The following XPC variants were observed in gnomAD, a reference collection of about 807,000 sequenced individuals.
The protein encoded by XPC is DNA repair protein complementing XP-C cells.
In XPC, 76 loss-of-function variants were observed where a neutral mutation model predicts 95.8. The ratio of observed to expected loss-of-function variants is 0.79; its 90% CI spans 0.66 to 0.96. XPC has a LOEUF of 0.96. Ranked by LOEUF, XPC falls within the 40% of genes least tolerant of loss-of-function variation. The probability of loss-of-function intolerance (pLI) is 0.00; values close to 1 mark genes in which losing one functional copy is unlikely to be tolerated. For synonymous variants in XPC, 442 were observed against 442.1 expected, an observed-to-expected ratio of 1.00 and a Z score of 0.00; for missense variants, 1,146 against 1,179.8, an observed-to-expected ratio of 0.97 and a Z score of 0.42.
At chr3:14,171,937 G>C (rs750151397) in intron 2 of XPC, among the ~76,000 whole-genome samples, 43 of 152,078 alleles carry the variant, frequency 2.8e-4, no homozygotes, top group Admixed American at 6.5e-4. Flanking sequence ...CCCTTCCTGT[G>C]CCCTCTACTG....
chr3:14,161,837 T>G (rs1199243504), intron 7 of XPC, among the ~76,000 whole-genome samples: 2 of 151,592 alleles, frequency 1.3e-5, no homozygotes, highest in South Asian at 2.1e-4. Context: ...GAAAAAGGCA[T>G]GCAAACTGGA....
intron 7 of XPC, chr3:14,164,556 C>T (rs1696294205): frequency 2.7e-6 from 1 of 370,364 alleles, no homozygotes. Context: ...TGGTACACCA[C>T]AACTAGAGGC....
At chr3:14,163,386 T>C (rs770097299) in intron 7 of XPC, among the ~76,000 whole-genome samples, 11 of 152,064 alleles carry the variant, frequency 7.2e-5, no homozygotes, top group Non-Finnish European at 1.3e-4. Flanking sequence ...ATAGAGAAAA[T>C]GTATAAACAT....
At position 14,159,776 on chromosome 3, in the gene XPC, G is replaced by A. The variant is rs1444969394; in HGVS notation, c.955C>T (p.Leu319=). The change falls in exon 8 of 16, where the codon CTA becomes TTA. Residue 319 remains leucine, a synonymous_variant. Transcript: ENST00000285021. ...LQLLTRLVLS[L]QPIPLKSATA... ...GCTGACTTCAGAGGAATTGGCTGTA[G>A]AGACAATACCAGCCGGGTCAAGAGC... 1 of 1,563,666 alleles carries A rather than the reference G, an allele frequency of 6.4e-7. No individual in the cohort carries two copies. The highest frequency in any genetic ancestry group is 1.9e-5 in the Admixed American group (1 of 52,740).
At chr3:14,148,440 C>T in intron 13 of XPC, 122 bp downstream of exon 13, 3 of 1,357,452 alleles carry the variant, frequency 2.2e-6, no homozygotes, top group South Asian at 2.8e-5. Flanking sequence ...AGTGTAACAT[C>T]CTGAAAATTG....
chr3:14,159,646 A>G, intron 8 of XPC, 95 bp downstream of exon 8: 1 of 1,261,748 alleles, frequency 7.9e-7, no homozygotes, highest in Non-Finnish European at 1.1e-6. Context: ...CTCCGTGAAT[A>G]CCAGCTCTTA....
chr3:14,174,171 T>C (rs916146361), intron 1 of XPC, among the ~76,000 whole-genome samples: 17 of 152,186 alleles, frequency 1.1e-4, no homozygotes, highest in African/African-American at 3.9e-4. Context: ...AAATGTTTTA[T>C]AAAAAAGGAA....
intron 5 of XPC, 24 bp downstream of exon 5, chr3:14,167,145 T>A: frequency 6.5e-7 from 1 of 1,545,940 alleles, no homozygotes; most frequent in South Asian, 1.2e-5. Flanking sequence ...GGAAAAGTCC[T>A]TCCCCATCAT....
In XPC at chr3:14,152,690, C is replaced by T. The variant is rs3731147; in HGVS notation, c.2034-274G>A. 5.2e-4 allele frequency: 200 copies of T among 381,920 alleles called. 1 individual carries two copies. The East Asian group carries it at 9.4e-3, about 18-fold the overall frequency. 23.7% of individuals were successfully genotyped at this position (381,920 alleles called of 1,614,324 possible). A position where few individuals can be genotyped will look rare whatever the true frequency, so the allele number is the denominator to read the frequency against. On this transcript the variant is annotated intron_variant, in intron 10 of 15. Transcript: ENST00000285021. ...CCTCCCCTTCATAGGTTTTCTTCTC[C>T]TCTGCTGTCCAGAGCCTGTGAGAGC...
intron 11 of XPC, 102 bp downstream of exon 11, chr3:14,152,233 G>T (rs916440937): frequency 9.6e-6 from 9 of 932,714 alleles, no homozygotes; most frequent in African/African-American, 8.5e-5. Context: ...AGGATCCTGG[G>T]CAGGACTGGG....
intron 13 of XPC, 191 bp downstream of exon 13, chr3:14,148,371 T>C (rs928171804): frequency 4.2e-5 from 32 of 762,508 alleles, no homozygotes; most frequent in Non-Finnish European, 5.7e-5. Context: ...GCCAGTTTCA[T>C]TGGCTCCGTT....
At chr3:14,154,459 C>T (rs1438793544) in intron 10 of XPC, among the ~76,000 whole-genome samples, 2 of 152,086 alleles carry the variant, frequency 1.3e-5, no homozygotes, top group African/African-American at 2.4e-5. Flanking sequence ...AATGGAGTAT[C>T]AGCCTAAAAA....
chr3:14,162,574 T>C (rs897237669), intron 7 of XPC, among the ~76,000 whole-genome samples: 2 of 152,202 alleles, frequency 1.3e-5, no homozygotes, highest in Non-Finnish European at 2.9e-5. Context: ...GACAAATGGA[T>C]ATCCACATGC....
intron 1 of XPC, among the ~76,000 whole-genome samples, chr3:14,176,145 C>G (rs1574980694): frequency 6.6e-6 from 1 of 152,220 alleles, no homozygotes; most frequent in African/African-American, 2.4e-5. Context: ...ATAATTCACC[C>G]AAGTGCATAA....
intron 2 of XPC, 129 bp downstream of exon 2, chr3:14,172,738 T>C: frequency 1.9e-6 from 2 of 1,078,846 alleles, no homozygotes; most frequent in Non-Finnish European, 2.6e-6. Flanking sequence ...GTCTGAGTTG[T>C]ACCTAGAAGA....
At chr3:14,165,344 C>A in intron 6 of XPC, 84 bp downstream of exon 6, 1 of 1,470,342 alleles carries the variant, frequency 6.8e-7, no homozygotes, top group Admixed American at 2.3e-5. Context: ...CAGGGAAGGT[C>A]TGTGGAAGTG....
chr3:14,152,467 C>A, intron 10 of XPC, 51 bp from the exon 11 acceptor site: 1 of 1,534,096 alleles, frequency 6.5e-7, no homozygotes, highest in Non-Finnish European at 8.9e-7. Context: ...AGCCCCACTG[C>A]GGGAATGCGG....
At chr3:14,167,319 G>C in intron 4 of XPC, 66 bp from the exon 5 acceptor site, 2 of 1,378,546 alleles carry the variant, frequency 1.5e-6, no homozygotes, top group East Asian at 2.5e-5. Flanking sequence ...ACTCCCCCAG[G>C]CAATTCCTTC....
chr3:14,155,482 GCT>G (rs780855681), intron 10 of XPC, among the ~76,000 whole-genome samples: 3 of 150,530 alleles, frequency 2.0e-5, no homozygotes, highest in Non-Finnish European at 4.4e-5. Flanking sequence ...TTCATTTTTT[GCT>G]CTTATTCCAC....
Sources: gnomAD v4.1 joint callset for allele counts (sites outside exome capture counted in the v4.1 genomes callset) on GRCh38, gnomAD v4.1.1 for gene constraint, MANE v1.5 for transcripts, NCBI Gene and HGNC (gene_info 2026-07-23, HGNC 2026-07-21) for gene names.